Variants in CLCA4 observed in about 807,000 individuals in gnomAD.
CLCA4 encodes the protein chloride channel accessory 4.
Under a neutral mutation model 78.9 loss-of-function variants are expected in CLCA4, and 69 were observed. The ratio of observed to expected loss-of-function variants is 0.87; its 90% CI spans 0.72 to 1.07. The LOEUF (loss-of-function observed/expected upper bound fraction) is 1.07, where lower values mean the gene tolerates loss of function less well. CLCA4 is among the 50% of genes least tolerant of loss of function. The pLI is 0.00. For missense variants in CLCA4, 1,133 were observed against 1,095.8 expected (o/e 1.03, Z -0.48); for synonymous variants, 362 against 375.8 (o/e 0.96, Z 0.42).
intron 8 of CLCA4, among the ~76,000 whole-genome samples, chr1:86,572,355 C>T (rs1263176816): frequency 1.3e-5 from 2 of 151,960 alleles, no homozygotes; most frequent in African/African-American, 4.8e-5. Context: ...GGAATTGTAA[C>T]ATCTTTCATA....
In CLCA4 at chr1:86,574,765, C is replaced by T. The variant is rs375986865; in HGVS notation, c.1683+10C>T. 1.9e-6 allele frequency: 3 copies of T among 1,591,220 alleles called. No individual in the cohort carries two copies. The highest frequency in any genetic ancestry group is 1.3e-5 in the African/African-American group (1 of 74,386). ...TCCAGGAACTGCAAAGGTAAGCAAT[C>T]AGCTTTTAGACTTCCTGTCAACATT... On this transcript the variant is annotated intron_variant, in intron 10 of 13. Coordinates refer to ENST00000370563, the MANE Select transcript of CLCA4 (RefSeq NM_012128.4).
chr1:86,579,938 T>C lies in CLCA4; in HGVS notation c.2357-4T>C. On this transcript the variant is annotated splice_region_variant and splice_polypyrimidine_tract_variant and intron_variant, in intron 13 of 13. Coordinates refer to ENST00000370563, the MANE Select transcript of CLCA4 (RefSeq NM_012128.4). ...CTAAACTACATGTAACTTTTTTTTC[T>C]CAGTTCAACGTTATATCATAAGAAT... The C allele has an allele frequency of 1.3e-6, 2 of 1,544,602 alleles. No individual in the cohort carries two copies. Among genetic ancestry groups the C allele is most frequent in the Non-Finnish European group, 1.7e-6 (2 of 1,143,414 alleles).
At chr1:86,564,303 C>T (rs1206655906) in intron 4 of CLCA4, among the ~76,000 whole-genome samples, 6 of 152,130 alleles carry the variant, frequency 3.9e-5, no homozygotes, top group Non-Finnish European at 2.9e-5. Context: ...GGTGCTATCA[C>T]CTCATCAATG....
At chr1:86,560,396 G>A (rs1002684548) in intron 3 of CLCA4, 38 bp downstream of exon 3, 5 of 1,606,162 alleles carry the variant, frequency 3.1e-6, no homozygotes, top group Non-Finnish European at 4.3e-6. Context: ...TGCAGTGATT[G>A]CAGCATACAA....
intron 6 of CLCA4, among the ~76,000 whole-genome samples, chr1:86,566,555 C>G (rs1650194730): frequency 6.6e-6 from 1 of 151,872 alleles, no homozygotes; most frequent in African/African-American, 2.4e-5. Flanking sequence ...TGCTGAAGAA[C>G]AGGAATAAGG....
In CLCA4 at chr1:86,580,186, C is replaced by T; in HGVS notation, c.2601C>T (p.Ile867=). 1 of 1,611,140 alleles carries T rather than the reference C, an allele frequency of 6.2e-7. No individual in the cohort carries two copies. The highest frequency in any genetic ancestry group is 8.5e-7 in the Non-Finnish European group (1 of 1,179,108). ...VSNIAQVTLF[I]PQANPDDIDP... ...ACATTGCACAAGTAACTTTGTTTAT[C>T]CCTCAAGCAAATCCTGATGACATTG... Residue 867 remains isoleucine, a synonymous_variant, in exon 14 of 14, where the codon ATC becomes ATT. Coordinates refer to ENST00000370563, the MANE Select transcript of CLCA4 (RefSeq NM_012128.4).
At position 86,577,910 on chromosome 1, in the gene CLCA4, T is replaced by C; in HGVS notation, c.1960T>C (p.Ser654Pro). The stretch of plus-strand genomic sequence containing the variant: ...TTCATTTCTATAACAAGGCGCTGAT[T>C]CTTTCAAGAATGATGGAGTCTACTC... ...ELLDNGAGAD[S>P]FKNDGVYSRY... The change falls in exon 12 of 14, where the codon TCT becomes CCT. Residue 654 changes from serine (S) to proline (P), a missense_variant. By Grantham distance (74) the Ser-to-Pro change is moderately conservative. Coordinates refer to ENST00000370563, the MANE Select transcript of CLCA4 (RefSeq NM_012128.4). 1 of 1,609,252 alleles carries C rather than the reference T, an allele frequency of 6.2e-7. No homozygotes were observed. Among genetic ancestry groups the C allele is most frequent in the Non-Finnish European group, 8.5e-7 (1 of 1,178,072 alleles).
At chr1:86,552,157 C>T (rs993020206) in intron 1 of CLCA4, among the ~76,000 whole-genome samples, 3 of 151,946 alleles carry the variant, frequency 2.0e-5, no homozygotes, top group African/African-American at 7.2e-5. Context: ...AAAAAATATA[C>T]TTTTAAGAAA....
rs545838885 is a variant in CLCA4 at position 86,579,478 on chromosome 1, G to A, written c.2247G>A (p.Leu749=). The A allele has an allele frequency of 8.1e-6, 13 of 1,613,232 alleles. No homozygotes were observed. The South Asian group carries it at 1.2e-4, about 15-fold the overall frequency. The change falls in exon 13 of 14, where the codon TTG becomes TTA. Residue 749 remains leucine (L), a synonymous_variant. Transcript: ENST00000370563. ...FVVSQVPSLP[L]PDQYPPSQIT... is the part of the protein sequence containing the mutation. ...TATCACAAGTCCCAAGCCTTCCCTT[G>A]CCTGACCAATACCCACCAAGTCAAA...
chr1:86,572,625 T>G lies in CLCA4; in HGVS notation c.1372T>G (p.Phe458Val). ...EMSKITGGSH[F>V]YVSDEAQNNG... ...CATTTACATTTTAGGAGGAAGTCAT[T>G]TTTATGTTTCAGATGAAGCTCAGAA... The change falls in exon 9 of 14, where the codon TTT becomes GTT. Residue 458 changes from phenylalanine (F) to valine (V), a missense_variant. By Grantham distance (50) the Phe-to-Val change is conservative. Transcript: ENST00000370563. 6.3e-7 allele frequency: 1 copy of G among 1,599,480 alleles called. No individual in the cohort carries two copies. Among genetic ancestry groups the G allele is most frequent in the Non-Finnish European group, 8.6e-7 (1 of 1,167,622 alleles).
At chr1:86,553,264 C>T (rs997652301) in intron 1 of CLCA4, 6 of 867,026 alleles carry the variant, frequency 6.9e-6, no homozygotes, top group East Asian at 2.5e-5. Flanking sequence ...TACGAGGACA[C>T]GGTCTTCAAG....
chr1:86,565,353 G>T lies in CLCA4; in HGVS notation c.637G>T (p.Asp213Tyr), dbSNP rs2231588. 3.1e-6 allele frequency: 5 copies of T among 1,608,056 alleles called. No individual in the cohort carries two copies. In the African/African-American group the frequency reaches 6.7e-5, roughly 21 times the overall value. Reference sequence around the variant, plus strand: ...CTGTCTTAGTAGAGCATGCAGAATTGATTCTACAACAAAACTGTATGGAAA... The same window carrying T: ...CTGTCTTAGTAGAGCATGCAGAATTTATTCTACAACAAAACTGTATGGAAA... Reference protein sequence around the residue: ...GSCLSRACRIDSTTKLYGKDC... With the variant: ...GSCLSRACRIYSTTKLYGKDC... The change falls in exon 5 of 14, where the codon GAT becomes TAT. Residue 213 changes from aspartate (D) to tyrosine (Y), a missense_variant. By Grantham distance (160) the Asp-to-Tyr change is radical (BLOSUM62 -3). Transcript: ENST00000370563.
chr1:86,552,473 T>C (rs1649694730), intron 1 of CLCA4, among the ~76,000 whole-genome samples: 1 of 152,340 alleles, frequency 6.6e-6, no homozygotes, highest in South Asian at 2.1e-4. Flanking sequence ...TTGCAGACCC[T>C]GCTGATGATG....
intron 1 of CLCA4, chr1:86,552,743 C>T: frequency 7.0e-7 from 1 of 1,435,794 alleles, no homozygotes; most frequent in Non-Finnish European, 9.8e-7. Flanking sequence ...CGGCCCGGCA[C>T]CCCCATCATG....
At chr1:86,549,389 C>T (rs924674773) in intron 1 of CLCA4, among the ~76,000 whole-genome samples, 1 of 152,170 alleles carries the variant, frequency 6.6e-6, no homozygotes, top group Non-Finnish European at 1.5e-5. Flanking sequence ...GCCTAGACCA[C>T]CAGAAAGACT....
intron 1 of CLCA4, chr1:86,552,722 T>C: frequency 7.1e-7 from 1 of 1,417,432 alleles, no homozygotes; most frequent in Non-Finnish European, 9.9e-7. Flanking sequence ...CTCGAGCCCT[T>C]CACAGGGGCC....
In CLCA4 at chr1:86,575,501, T is replaced by C; in HGVS notation, c.1853T>C (p.Leu618Pro). 6.2e-7 allele frequency: 1 copy of C among 1,613,472 alleles called. No individual in the cohort carries two copies. The highest frequency in any genetic ancestry group is 8.5e-7 in the Non-Finnish European group (1 of 1,179,534). The change falls in exon 11 of 14, where the codon CTA (leucine) becomes CCA (proline). Residue 618 changes from leucine (L) to proline (P), a missense_variant. Transcript: ENST00000370563. The part of the protein sequence containing the change: ...PSPMIVYAEI[L>P]QGYVPVLGAN... The stretch of plus-strand genomic sequence containing the variant: ...CCAATGATTGTTTACGCAGAAATTC[T>C]ACAAGGATATGTACCTGTTCTTGGA...
chr1:86,558,539 A>G (rs1285407590), intron 1 of CLCA4, among the ~76,000 whole-genome samples: 1 of 152,174 alleles, frequency 6.6e-6, no homozygotes, highest in African/African-American at 2.4e-5. Flanking sequence ...CATACCTGAG[A>G]CTGGATAATT....
chr1:86,569,220 C>T (rs1054760873), intron 7 of CLCA4, among the ~76,000 whole-genome samples: 1 of 151,836 alleles, frequency 6.6e-6, no homozygotes, highest in Non-Finnish European at 1.5e-5. Context: ...GCCAATGAGC[C>T]TTCTCTAAAA....
Sources: allele counts gnomAD v4.1 joint callset (sites outside exome capture counted in the v4.1 genomes callset), GRCh38; gene constraint gnomAD v4.1.1; transcripts MANE v1.5; gene names NCBI Gene and HGNC (gene_info 2026-07-23, HGNC 2026-07-21).